The following PDK3 variants were observed in gnomAD, a reference collection of about 807,000 sequenced individuals.
PDK3 encodes the protein pyruvate dehydrogenase kinase, isozyme 3.
Under a neutral mutation model 32.0 loss-of-function variants are expected in PDK3, and 12 were observed. That is an observed-to-expected ratio of 0.37 (90% CI 0.24 to 0.61). The LOEUF is 0.61. Ranked by LOEUF, PDK3 falls within the 20% of genes least tolerant of loss-of-function variation. The probability of loss-of-function intolerance (pLI) is 0.65; values close to 1 mark genes in which losing one functional copy is unlikely to be tolerated. For synonymous variants in PDK3, 122 were observed against 116.3 expected, an observed-to-expected ratio of 1.05 and a Z score of -0.31; for missense variants, 188 against 316.9, an observed-to-expected ratio of 0.59 and a Z score of 3.09.
At chrX:24,472,623 T>C (rs1445144491) in intron 1 of PDK3, among the ~76,000 whole-genome samples, 1 of 109,779 alleles carries the variant, frequency 9.1e-6, no homozygotes, top group Non-Finnish European at 1.9e-5. Flanking sequence ...TATGTTAATG[T>C]GGCTACTAGG....
At chrX:24,524,630 A>G (rs1362480637) in intron 6 of PDK3, among the ~76,000 whole-genome samples, 1 of 111,652 alleles carries the variant, frequency 9.0e-6, no homozygotes, top group Non-Finnish European at 1.9e-5. Flanking sequence ...AATGTCACCA[A>G]CACTTGATTT....
intron 5 of PDK3, among the ~76,000 whole-genome samples, chrX:24,510,593 A>G (rs1353277512): frequency 9.1e-6 from 1 of 110,061 alleles, no homozygotes; most frequent in South Asian, 3.7e-4. Context: ...CGTGAAATCC[A>G]TAGTATTTTT....
chrX:24,493,550 T>C lies in PDK3; in HGVS notation c.107-1192T>C, dbSNP rs773577125. Among the ~76,000 whole-genome samples, 3 of 111,495 alleles carry C rather than the reference T, an allele frequency of 2.7e-5. No individual in the cohort carries two copies. In the South Asian group the frequency reaches 1.1e-3, roughly 42 times the overall value. ...CTCTCTCTGGGCCTGGCCATGATGTTGCCCATTTCTGTGCAGCCTCCAGGG... is the reference window on the plus strand; with the variant it reads ...CTCTCTCTGGGCCTGGCCATGATGTCGCCCATTTCTGTGCAGCCTCCAGGG... On this transcript the variant is annotated intron_variant, in intron 1 of 10. Transcript: ENST00000379162.
intron 2 of PDK3, among the ~76,000 whole-genome samples, chrX:24,498,454 G>A (rs1345108548): frequency 3.6e-5 from 4 of 111,931 alleles, no homozygotes; most frequent in African/African-American, 1.3e-4. Context: ...AGCAGAGCAG[G>A]TTGATTTCTC....
At chrX:24,530,531 G>C (rs964938052) in intron 9 of PDK3, among the ~76,000 whole-genome samples, 1 of 111,370 alleles carries the variant, frequency 9.0e-6, no homozygotes, top group Non-Finnish European at 1.9e-5. Context: ...GCTCAGAGTC[G>C]CACAGAAAGT....
At chrX:24,515,314 G>A (rs1342259734) in intron 5 of PDK3, among the ~76,000 whole-genome samples, 1 of 112,053 alleles carries the variant, frequency 8.9e-6, no homozygotes, top group African/African-American at 3.2e-5. Flanking sequence ...TTTAGGAGCT[G>A]TACTGGGTCT....
chrX:24,476,499 A>C (rs1312071476), intron 1 of PDK3, among the ~76,000 whole-genome samples: 1 of 111,420 alleles, frequency 9.0e-6, no homozygotes, highest in Non-Finnish European at 1.9e-5. Flanking sequence ...TTGATATCCA[A>C]GGGTGTCCAG....
downstream of PDK3, among the ~76,000 whole-genome samples, chrX:24,534,743 G>A: frequency 8.9e-6 from 1 of 112,415 alleles, no homozygotes; most frequent in Non-Finnish European, 1.9e-5. Context: ...GAAGCCAGGA[G>A]TTCAAGACCA....
At chrX:24,521,994 A>G (rs1277700616) in intron 6 of PDK3, among the ~76,000 whole-genome samples, 1 of 112,029 alleles carries the variant, frequency 8.9e-6, no homozygotes, top group Non-Finnish European at 1.9e-5. Flanking sequence ...TCTATGTTGG[A>G]GATGCAGGTT....
chrX:24,477,337 G>A (rs1259684715), intron 1 of PDK3, among the ~76,000 whole-genome samples: 3 of 111,673 alleles, frequency 2.7e-5, no homozygotes, highest in Non-Finnish European at 5.6e-5. Context: ...TGGCCATTTT[G>A]TAACCAGAAT....
intron 5 of PDK3, among the ~76,000 whole-genome samples, chrX:24,512,359 G>A (rs1380973589): frequency 8.9e-6 from 1 of 112,120 alleles, no homozygotes; most frequent in Non-Finnish European, 1.9e-5. Flanking sequence ...TAATATAATA[G>A]CACACAAGTG....
intron 1 of PDK3, among the ~76,000 whole-genome samples, chrX:24,489,968 G>A (rs1195862546): frequency 9.0e-6 from 1 of 111,039 alleles, no homozygotes; most frequent in African/African-American, 3.3e-5. Context: ...AGAATCATCA[G>A]ATGAGCCCAG....
exon 12 of PDK3, among the ~76,000 whole-genome samples, chrX:24,541,694 C>T (rs776638440): frequency 6.2e-5 from 7 of 112,528 alleles, no homozygotes; most frequent in Non-Finnish European, 1.3e-4. Flanking sequence ...GCCTCTTTAC[C>T]CAAGTATTCA....
At chrX:24,470,435 C>G (rs1405712375) in intron 1 of PDK3, among the ~76,000 whole-genome samples, 6 of 110,616 alleles carry the variant, frequency 5.4e-5, no homozygotes, top group East Asian at 5.6e-4. Flanking sequence ...GCCTGTAATC[C>G]CAGCACTTTG....
At position 24,534,082 on chromosome X, in the gene PDK3, T is replaced by C; in HGVS notation, c.*10T>C. ...CAAAGCAAAACAGTAATATACCACC[T>C]TGATTTCCATTACAAAGTATCTGAT... On this transcript the variant is annotated 3_prime_UTR_variant, in exon 11 of 11. Coordinates refer to ENST00000379162, the MANE Select transcript of PDK3 (RefSeq NM_005391.5). 1 of 1,186,090 alleles carries C rather than the reference T, an allele frequency of 8.4e-7. No individual in the cohort carries two copies. The highest frequency in any genetic ancestry group is 1.1e-6 in the Non-Finnish European group (1 of 882,530).
At chrX:24,510,104 A>G (rs1390955321) in intron 5 of PDK3, among the ~76,000 whole-genome samples, 3 of 112,173 alleles carry the variant, frequency 2.7e-5, no homozygotes, top group African/African-American at 9.7e-5. Flanking sequence ...ATTTATACCC[A>G]GGTTGCTTCA....
intron 3 of PDK3, among the ~76,000 whole-genome samples, chrX:24,502,563 T>C (rs1921884360): frequency 8.9e-6 from 1 of 112,062 alleles, no homozygotes; most frequent in South Asian, 3.7e-4. Flanking sequence ...CTGCGAGATA[T>C]TTATTTCCAA....
intron 6 of PDK3, among the ~76,000 whole-genome samples, 192 bp from the exon 7 acceptor site, chrX:24,526,006 C>T (rs1455239672): frequency 8.9e-6 from 1 of 112,912 alleles, no homozygotes; most frequent in Non-Finnish European, 1.9e-5. Context: ...AGTGAAGGAA[C>T]TGGGTGTCAC....
At chrX:24,543,067 A>G (rs1380145913) in exon 12 of PDK3, among the ~76,000 whole-genome samples, 3 of 111,649 alleles carry the variant, frequency 2.7e-5, no homozygotes, top group Non-Finnish European at 5.6e-5. Flanking sequence ...TTTGCCCTGG[A>G]TACTTGAATT....
Sources: gnomAD v4.1 joint callset for allele counts (sites outside exome capture counted in the v4.1 genomes callset) on GRCh38, gnomAD v4.1.1 for gene constraint, MANE v1.5 for transcripts, NCBI Gene and HGNC (gene_info 2026-07-23, HGNC 2026-07-21) for gene names.